TIAM1: variants seen among roughly 807,000 people sequenced by gnomAD.
TIAM1 encodes TIAM Rac1 associated GEF 1, also known as rho guanine nucleotide exchange factor TIAM1.
Under a neutral mutation model 163.5 loss-of-function variants are expected in TIAM1, and 65 were observed. That is an observed-to-expected ratio of 0.40 (90% CI 0.33 to 0.49). The LOEUF (loss-of-function observed/expected upper bound fraction) is 0.49, where lower values mean the gene tolerates loss of function less well. Among genes scored for constraint, TIAM1 ranks in the 20% least tolerant of loss-of-function variants. The pLI is 0.77. For missense variants in TIAM1, 1,789 were observed against 2,044.7 expected (o/e 0.87, Z 2.41); for synonymous variants, 833 against 810.1 (o/e 1.03, Z -0.48).
At chr21:31,539,521 G>A (rs181104706) in intron 1 of TIAM1, among the ~76,000 whole-genome samples, 2 of 151,742 alleles carry the variant, frequency 1.3e-5, no homozygotes, top group African/African-American at 2.4e-5. Context: ...CGTCTCAGCC[G>A]CCCAAAGTGC....
At chr21:31,295,991 T>G (rs1356987596) in intron 2 of TIAM1, among the ~76,000 whole-genome samples, 2 of 151,936 alleles carry the variant, frequency 1.3e-5, no homozygotes, top group Non-Finnish European at 2.9e-5. Flanking sequence ...TAGAGACGGG[T>G]TTTCGCCATG....
At chr21:31,452,921 G>T in intron 2 of TIAM1, 1 of 514,540 alleles carries the variant, frequency 1.9e-6, no homozygotes, top group South Asian at 1.5e-5. Context: ...TAGATATTGG[G>T]AGAAACAAAG....
chr21:31,466,690 G>T (rs2045544549), intron 1 of TIAM1, among the ~76,000 whole-genome samples: 1 of 152,202 alleles, frequency 6.6e-6, no homozygotes, highest in Non-Finnish European at 1.5e-5. Flanking sequence ...GCTCAGTGGG[G>T]TGAGTTGTAG....
chr21:31,149,615 A>G (rs183925938), intron 19 of TIAM1, among the ~76,000 whole-genome samples: 1 of 152,314 alleles, frequency 6.6e-6, no homozygotes, highest in East Asian at 1.9e-4. Flanking sequence ...CCACAGCAAA[A>G]GACTTGTAAA....
chr21:31,422,999 A>T (rs991472093), intron 2 of TIAM1, among the ~76,000 whole-genome samples: 1 of 13,260 alleles, frequency 7.5e-5, no homozygotes, highest in African/African-American at 3.3e-4. Context: ...TTACTGTATC[A>T]CTGTATCACT....
intron 1 of TIAM1, among the ~76,000 whole-genome samples, chr21:31,514,651 C>T (rs1477626123): frequency 1.3e-5 from 2 of 152,150 alleles, no homozygotes; most frequent in Middle Eastern, 3.2e-3. Context: ...CAAGATTGCA[C>T]CGCTGTTCTC....
At chr21:31,439,337 T>C (rs2147297122) in intron 2 of TIAM1, among the ~76,000 whole-genome samples, 1 of 152,374 alleles carries the variant, frequency 6.6e-6, no homozygotes, top group South Asian at 2.1e-4. Flanking sequence ...TCGCCCAGGC[T>C]GGAGTGCAGT....
intron 1 of TIAM1, among the ~76,000 whole-genome samples, chr21:31,524,403 C>T (rs188482141): frequency 6.6e-6 from 1 of 152,236 alleles, no homozygotes; most frequent in Admixed American, 6.5e-5. Flanking sequence ...CAAGAGGGAT[C>T]CGCCCCCACA....
At chr21:31,131,061 C>T in intron 23 of TIAM1, 113 bp from the exon 24 acceptor site, 1 of 797,508 alleles carries the variant, frequency 1.3e-6, no homozygotes, top group Non-Finnish European at 2.0e-6. Context: ...GTTGAGATCC[C>T]AGTTAACTGA....
At chr21:31,193,806 G>A (rs1264267962) in intron 13 of TIAM1, among the ~76,000 whole-genome samples, 3 of 152,134 alleles carry the variant, frequency 2.0e-5, no homozygotes, top group East Asian at 1.9e-4. Flanking sequence ...AGTGTGAATC[G>A]GGAAAAGCTA....
chr21:31,125,981 T>C (rs754195046), intron 26 of TIAM1, among the ~76,000 whole-genome samples: 4 of 152,222 alleles, frequency 2.6e-5, no homozygotes, highest in Non-Finnish European at 4.4e-5. Flanking sequence ...CAAAAAATAA[T>C]TGCAGTTTTT....
intron 26 of TIAM1, 50 bp from the exon 27 acceptor site, chr21:31,124,744 G>A (rs1568866948): frequency 6.8e-7 from 1 of 1,470,528 alleles, no homozygotes; most frequent in East Asian, 2.4e-5. Context: ...TTAACACATG[G>A]GGAACTTCTA....
chr21:31,130,846 T>TA, intron 24 of TIAM1, 44 bp downstream of exon 24: 3 of 1,561,598 alleles, frequency 1.9e-6, no homozygotes, highest in Non-Finnish European at 1.8e-6. Context: ...GATAAGCAGA[T>TA]AGAGAAATAG....
chr21:31,363,330 A>G (rs573514226), intron 2 of TIAM1, among the ~76,000 whole-genome samples: 1 of 152,242 alleles, frequency 6.6e-6, no homozygotes, highest in East Asian at 1.9e-4. Context: ...TGGTACACAG[A>G]CAAACGTATT....
In TIAM1 at chr21:31,141,278, C is replaced by A; in HGVS notation, c.3656-42G>T. The A allele has an allele frequency of 6.2e-7, 1 of 1,613,676 alleles. No individual in the cohort carries two copies. The highest frequency in any genetic ancestry group is 8.5e-7 in the Non-Finnish European group (1 of 1,179,706). On this transcript the variant is annotated intron_variant, in intron 21 of 27. Coordinates refer to ENST00000541036, the MANE Select transcript of TIAM1 (RefSeq NM_001353694.2). This position sits in a 1 kb window ranked among gnomAD's most constrained non-coding sequence, Gnocchi z 4.7. ...TGTGAAATGAGAGGCTATTTAGAGA[C>A]CCTCATGGAGACTCAGGCCTGCCGG...
Position 31,417,097 on chromosome 21 carries a change from A to G in TIAM1, c.-369+46886T>C, listed in dbSNP as rs375273924. On this transcript the variant is annotated intron_variant, in intron 2 of 28. Transcript: ENST00000286827. The stretch of plus-strand genomic sequence containing the variant: ...GAGCGCAATGGCACAATCTCGGCTC[A>G]CTGCAACCTCTGCCTCCTGGGTTCA... Among the ~76,000 whole-genome samples the G allele has an allele frequency of 1.2e-4, 18 of 152,294 alleles. No homozygotes were observed. The East Asian group carries it at 1.3e-3, about 11-fold the overall frequency.
At chr21:31,475,554 A>T (rs980457060) in intron 1 of TIAM1, among the ~76,000 whole-genome samples, 19 of 152,204 alleles carry the variant, frequency 1.2e-4, no homozygotes, top group Middle Eastern at 3.2e-3. Flanking sequence ...CAAACGCTAC[A>T]TTCTTGCAAC....
intron 15 of TIAM1, among the ~76,000 whole-genome samples, chr21:31,166,610 G>T (rs971093715): frequency 6.6e-6 from 1 of 152,160 alleles, no homozygotes. Context: ...CCACCTTTTG[G>T]CTCTGGCTCT....
chr21:31,182,060 G>C (rs953983128), intron 15 of TIAM1, among the ~76,000 whole-genome samples: 1 of 151,428 alleles, frequency 6.6e-6, no homozygotes, highest in Non-Finnish European at 1.5e-5. Flanking sequence ...TGGGATTACA[G>C]GTGCGAGCCA....
Sources: allele counts gnomAD v4.1 joint callset (sites outside exome capture counted in the v4.1 genomes callset), GRCh38; gene constraint gnomAD v4.1.1; non-coding constraint Gnocchi (gnomAD v3.1); transcripts MANE v1.5; gene names NCBI Gene and HGNC (gene_info 2026-07-23, HGNC 2026-07-21).